The following ZNF551 variants were observed in gnomAD, a reference collection of about 807,000 sequenced individuals.
ZNF551 encodes the protein KOX 23 protein (56 AA).
In ZNF551, 5 loss-of-function variants were observed where a neutral mutation model predicts 7.9. The observed-to-expected ratio is 0.63, with a 90% CI of 0.33 to 1.33. The LOEUF is 1.33. Ranked by LOEUF, ZNF551 falls within the 40% of genes most tolerant of loss-of-function variation. The probability of loss-of-function intolerance (pLI) is 0.05; values close to 1 mark genes in which losing one functional copy is unlikely to be tolerated. For missense variants in ZNF551, 788 were observed against 825.2 expected, an observed-to-expected ratio of 0.95 and a Z score of 0.55; for synonymous variants, 287 against 277.3, an observed-to-expected ratio of 1.03 and a Z score of -0.35.
In ZNF551 at chr19:57,686,730, A is replaced by C; in HGVS notation, c.455A>C (p.Lys152Thr). 1 of 1,614,232 alleles carries C rather than the reference A, an allele frequency of 6.2e-7. No homozygotes were observed. The highest frequency in any genetic ancestry group is 8.5e-7 in the Non-Finnish European group (1 of 1,180,050). Residue 152 changes from lysine (K) to threonine (T), a missense_variant, in exon 3 of 3, where the codon AAG becomes ACG. By Grantham distance (78) the Lys-to-Thr change is moderately conservative. Coordinates refer to ENST00000282296, the MANE Select transcript of ZNF551 (RefSeq NM_138347.5). ...AGTGCTGACCTTCACCAGCATCAAA[A>C]GCATTACAATGAAGAAGAGCCCTGG... ...CFSADLHQHQ[K>T]HYNEEEPWKR...
chr19:57,685,540 C>T, intron 2 of ZNF551, 155 bp downstream of exon 2: 1 of 1,175,436 alleles, frequency 8.5e-7, no homozygotes, highest in Admixed American at 1.8e-5. Context: ...CCTTGTGGCC[C>T]AGTTTCTGCC....
Position 57,687,682 on chromosome 19 carries a change from C to T in ZNF551, c.1407C>T (p.His469=). The T allele has an allele frequency of 6.2e-7, 1 of 1,614,162 alleles. No individual in the cohort carries two copies. Among genetic ancestry groups the T allele is most frequent in the South Asian group, 1.1e-5 (1 of 91,076 alleles). Residue 469 remains histidine (H), a synonymous_variant, in exon 3 of 3, where the codon CAC becomes CAT. Transcript: ENST00000282296. ...ACCTCATTCGACACCGCAGCATTCA[C>T]ACTGGTGATAGGCCTTATGAGTGCA... The part of the protein sequence containing the change: ...FSNLIRHRSI[H]TGDRPYECSE...
intron 2 of ZNF551, 72 bp downstream of exon 2, chr19:57,685,457 T>G (rs1984526034): frequency 1.1e-5 from 17 of 1,608,634 alleles, no homozygotes; most frequent in Non-Finnish European, 1.4e-5. Context: ...CTCAGGAGTC[T>G]TGCTGTCAGC....
chr19:57,684,848 G>C lies in ZNF551; in HGVS notation c.82-414G>C, dbSNP rs569846031. ...TACATGAGAAGAGAGAGAATAAACT[G>C]AGGGCCATATGGGTGAACGGGAGTC... On this transcript the variant is annotated intron_variant, in intron 1 of 2. Transcript: ENST00000282296. Among the ~76,000 whole-genome samples the C allele has an allele frequency of 2.0e-5, 3 of 152,284 alleles. No homozygotes were observed. The East Asian group carries it at 5.8e-4, about 29-fold the overall frequency.
Position 57,688,388 on chromosome 19 carries a change from G to C in ZNF551, c.*100G>C. ...TTTAAACTTTGAGCACCCACAGTGG[G>C]GTATTCTTCATAAGTTTCAGGTATG... On this transcript the variant is annotated 3_prime_UTR_variant, in exon 3 of 3. Coordinates refer to ENST00000282296, the MANE Select transcript of ZNF551 (RefSeq NM_138347.5). 4 of 1,469,924 alleles carry C rather than the reference G, an allele frequency of 2.7e-6. No homozygotes were observed. Among genetic ancestry groups the C allele is most frequent in the Non-Finnish European group, 3.7e-6 (4 of 1,092,730 alleles). The allele number at this position is 1,469,924 out of a possible 1,614,324, so 91.1% of individuals were successfully genotyped here. A position where few individuals can be genotyped will look rare whatever the true frequency, so the allele number is the denominator to read the frequency against.
rs778767710 is a variant in ZNF551, at chr19:57,687,207, A to G, written c.932A>G (p.Asp311Gly). ...GGAGAAAGGCCTTATGAATGCAGTG[A>G]TCGTGAGAAAGCCTTTATCCATAAA... ...HTGERPYECSDREKAFIHKSE... is the reference protein window; with the variant it reads ...HTGERPYECSGREKAFIHKSE... The change falls in exon 3 of 3, where the codon GAT (aspartate) becomes GGT (glycine). Residue 311 changes from aspartate (D) to glycine (G), a missense_variant. Coordinates refer to ENST00000282296, the MANE Select transcript of ZNF551 (RefSeq NM_138347.5). 6.2e-7 allele frequency: 1 copy of G among 1,614,246 alleles called. No individual in the cohort carries two copies. The highest frequency in any genetic ancestry group is 1.7e-5 in the Admixed American group (1 of 60,034).
rs1984584329 is a variant in ZNF551, at chr19:57,687,061, C to G, written c.786C>G (p.Cys262Trp). 10 of 1,614,080 alleles carry G rather than the reference C, an allele frequency of 6.2e-6. No individual in the cohort carries two copies. The highest frequency in any genetic ancestry group is 8.5e-6 in the Non-Finnish European group (10 of 1,180,044). The change falls in exon 3 of 3, where the codon TGC becomes TGG. Residue 262 changes from cysteine (C) to tryptophan (W), a missense_variant. Cys to Trp is a radical substitution (Grantham distance 215). Coordinates refer to ENST00000282296, the MANE Select transcript of ZNF551 (RefSeq NM_138347.5). ...GCAAATGTGAGAAAGCCTTCACTTG[C>G]AAGAACACACTTGTTCAGCACCAGC... ...ECSKCEKAFT[C>W]KNTLVQHQQI... is the part of the protein sequence containing the mutation.
In ZNF551 at chr19:57,687,414, G is replaced by A. The variant is rs372448156; in HGVS notation, c.1139G>A (p.Arg380Gln). ...KSFRQSSSLF[R>Q]HQRVHSGERP... Reference sequence around the variant, plus strand: ...TTTAGACAAAGCTCTAGCCTTTTTCGACACCAGAGAGTTCACTCTGGAGAA... The same window carrying A: ...TTTAGACAAAGCTCTAGCCTTTTTCAACACCAGAGAGTTCACTCTGGAGAA... Residue 380 changes from arginine to glutamine, a missense_variant, in exon 3 of 3, where the codon CGA becomes CAA. Physicochemically the swap from Arg to Gln is conservative, Grantham distance 43. Coordinates refer to ENST00000282296, the MANE Select transcript of ZNF551 (RefSeq NM_138347.5). The A allele has an allele frequency of 3.8e-5, 61 of 1,613,494 alleles. 1 individual carries two copies. Among genetic ancestry groups the A allele is most frequent in the South Asian group, 8.8e-5 (8 of 91,044 alleles).
chr19:57,682,954 G>A (rs1426240909), intron 1 of ZNF551, among the ~76,000 whole-genome samples: 1 of 152,256 alleles, frequency 6.6e-6, no homozygotes, highest in African/African-American at 2.4e-5. Context: ...GCTAAGTTTG[G>A]AGAGGAGGCT....
intron 1 of ZNF551, 38 bp from the exon 2 acceptor site, chr19:57,685,224 G>A (rs186679340): frequency 1.8e-5 from 29 of 1,609,438 alleles, no homozygotes; most frequent in African/African-American, 5.3e-5. Context: ...AATGAACTCC[G>A]GGTCTGATCG....
At chr19:57,685,928 T>C (rs984428756) in intron 2 of ZNF551, among the ~76,000 whole-genome samples, 1 of 152,214 alleles carries the variant, frequency 6.6e-6, no homozygotes, top group Admixed American at 6.5e-5. Context: ...TGGCCATAAC[T>C]CGTTTCTACT....
rs1026200943 is a variant in ZNF551 at position 57,686,823 on chromosome 19, G to C, written c.548G>C (p.Cys183Ser). 1 of 1,614,224 alleles carries C rather than the reference G, an allele frequency of 6.2e-7. No homozygotes were observed. The highest frequency in any genetic ancestry group is 8.5e-7 in the Non-Finnish European group (1 of 1,180,038). ...TTCCATGTGTTGAATTATTTCACCT[G>C]TGGGGAGGCCTTCCCAGCCCCCACG... The part of the protein sequence containing the change: ...CRFHVLNYFT[C>S]GEAFPAPTDL... Residue 183 changes from cysteine (C) to serine (S), a missense_variant, in exon 3 of 3, where the codon TGT becomes TCT. Transcript: ENST00000282296.
intron 2 of ZNF551, among the ~76,000 whole-genome samples, chr19:57,685,838 A>G (rs1247232930): frequency 6.6e-6 from 1 of 152,224 alleles, no homozygotes; most frequent in East Asian, 1.9e-4. Context: ...GCAGCTGGGG[A>G]AGGGCATGAC....
rs1268509567 is a variant in ZNF551, at chr19:57,688,008, AGAGAGTTCACACTG to A, written c.1738_1751del (p.Val580LysfsTer4). 2.0e-5 allele frequency: 33 copies of A among 1,613,940 alleles called. No individual in the cohort carries two copies. The highest frequency in any genetic ancestry group is 2.6e-5 in the Non-Finnish European group (31 of 1,180,018). ...CAAAGTGCTAGCCTCATTCAACACCAGAGAGTTCACACTGGAGAAAGGCCTTATGAATGTAGTGA... is the reference window on the plus strand; with the variant it reads ...CAAAGTGCTAGCCTCATTCAACACCAGAGAAAGGCCTTATGAATGTAGTGA... On this transcript the variant is annotated frameshift_variant, in exon 3 of 3. Transcript: ENST00000282296. LOFTEE classifies it low-confidence loss of function (END_TRUNC).
chr19:57,685,188 G>C, intron 1 of ZNF551, 74 bp from the exon 2 acceptor site: 2 of 1,582,278 alleles, frequency 1.3e-6, no homozygotes, highest in Non-Finnish European at 1.7e-6. Context: ...GGGTGACCTG[G>C]GGATGGATGT....
chr19:57,682,002 C>T lies in ZNF551; in HGVS notation c.-162C>T, dbSNP rs533520707. On this transcript the variant is annotated 5_prime_UTR_variant, in exon 1 of 3. Coordinates refer to ENST00000282296, the MANE Select transcript of ZNF551 (RefSeq NM_138347.5). ...GGAACTTCCGGCGTCCTCCTCGTGG[C>T]GGTCATTTTGGCCTCTGTCCTGTTT... 4.4e-5 allele frequency: 30 copies of T among 689,622 alleles called. No homozygotes were observed. The highest frequency in any genetic ancestry group is 4.2e-4 in the African/African-American group (23 of 54,680). The allele number at this position is 689,622 out of a possible 1,614,324, so 42.7% of individuals were successfully genotyped here.
chr19:57,686,871 C>T lies in ZNF551; in HGVS notation c.596C>T (p.Thr199Ile). 1 of 1,614,212 alleles carries T rather than the reference C, an allele frequency of 6.2e-7. No individual in the cohort carries two copies. The highest frequency in any genetic ancestry group is 1.1e-5 in the South Asian group (1 of 91,088). Reference sequence around the variant, plus strand: ...ACGGACCTACTCCAACACGAAGCCACTCCCAGTGGTGAGGAGCCACACAGT... The same window carrying T: ...ACGGACCTACTCCAACACGAAGCCATTCCCAGTGGTGAGGAGCCACACAGT... Reference protein sequence around the residue: ...APTDLLQHEATPSGEEPHSSS... With the variant: ...APTDLLQHEAIPSGEEPHSSS... The change falls in exon 3 of 3, where the codon ACT becomes ATT. Residue 199 changes from threonine (T) to isoleucine (I), a missense_variant. Transcript: ENST00000282296.
In ZNF551 at chr19:57,686,652, C is replaced by A; in HGVS notation, c.377C>A (p.Ser126Tyr). 6.2e-7 allele frequency: 1 copy of A among 1,614,202 alleles called. No individual in the cohort carries two copies. The highest frequency in any genetic ancestry group is 1.3e-5 in the African/African-American group (1 of 75,050). The change falls in exon 3 of 3, where the codon TCC becomes TAC. Residue 126 changes from serine (S) to tyrosine (Y), a missense_variant. By Grantham distance (144) the Ser-to-Tyr change is moderately radical (BLOSUM62 -2). Coordinates refer to ENST00000282296, the MANE Select transcript of ZNF551 (RefSeq NM_138347.5). ...CCTGCGGCTGAGCACCAAACCACATCCCCTGTGCAAAAGTCATACTTGGGT... is the reference window on the plus strand; with the variant it reads ...CCTGCGGCTGAGCACCAAACCACATACCCTGTGCAAAAGTCATACTTGGGT... The part of the protein sequence containing the change: ...ILPAAEHQTT[S>Y]PVQKSYLGST...
chr19:57,682,319 C>G (rs991441021), intron 1 of ZNF551, 75 bp downstream of exon 1: 27 of 1,460,578 alleles, frequency 1.8e-5, no homozygotes, highest in Non-Finnish European at 2.4e-5. Flanking sequence ...GATGCCTGCT[C>G]ACAGCCCTGC....
Sources: allele counts gnomAD v4.1 joint callset (sites outside exome capture counted in the v4.1 genomes callset), GRCh38; gene constraint gnomAD v4.1.1; transcripts MANE v1.5; gene names NCBI Gene and HGNC (gene_info 2026-07-23, HGNC 2026-07-21).